Variants in C5orf58 observed in about 807,000 individuals in gnomAD.
C5orf58 encodes the protein chromosome 5 open reading frame 58, also known as putative uncharacterized protein C5orf58.
A neutral mutation model predicts 2.9 loss-of-function variants in C5orf58; 2 were observed. The observed-to-expected ratio is 0.69, with a 90% CI of 0.28 to 2.18. The LOEUF (loss-of-function observed/expected upper bound fraction) is 2.18. Ranked by LOEUF, C5orf58 falls within the 30% of genes most tolerant of loss-of-function variation. The pLI is 0.13. For missense variants in C5orf58, 96 were observed against 91.7 expected (o/e 1.05, Z -0.19); for synonymous variants, 37 against 33.4 (o/e 1.11, Z -0.37).
chr5:170,234,467 A>C (rs1472116985), intron 2 of C5orf58, among the ~76,000 whole-genome samples: 2 of 152,222 alleles, frequency 1.3e-5, no homozygotes, highest in Non-Finnish European at 2.9e-5. Flanking sequence ...CTAACTCCCA[A>C]AACCAAACCA....
At chr5:170,249,377 T>TATATAG (rs1554139302), downstream of C5orf58, among the ~76,000 whole-genome samples, 6 of 127,586 alleles carry the variant, frequency 4.7e-5, no homozygotes, top group African/African-American at 1.3e-4. Flanking sequence ...TATATATATA[T>TATATAG]ATATCTACAT....
chr5:170,243,427 G>A (rs1228218843), intron 3 of C5orf58, among the ~76,000 whole-genome samples: 1 of 143,888 alleles, frequency 6.9e-6, no homozygotes, highest in East Asian at 2.0e-4. Flanking sequence ...CTCTTTGTAG[G>A]TCACTCAGGA....
intron 3 of C5orf58, among the ~76,000 whole-genome samples, chr5:170,236,525 A>C (rs1760746995): frequency 6.6e-6 from 1 of 152,342 alleles, no homozygotes; most frequent in South Asian, 2.1e-4. Flanking sequence ...TAAAATGCGA[A>C]TCTGCAGAAA....
Position 170,242,890 on chromosome 5 carries a change from T to A in C5orf58, c.95-3072T>A, listed in dbSNP as rs1417808789. The stretch of plus-strand genomic sequence containing the variant: ...ATGTTAGGGTGTCAATTTTGGATCT[T>A]TCCTGCTTTCTCTTGTGGGCATTTA... On this transcript the variant is annotated intron_variant, in intron 3 of 3. Transcript: ENST00000593851. 2.7e-5 allele frequency among the ~76,000 whole-genome samples: 4 copies of A among 147,550 alleles called. No homozygotes were observed. In the South Asian group the frequency reaches 8.9e-4, roughly 33 times the overall value.
chr5:170,247,610 AT>A (rs1761327457), downstream of C5orf58: 1 of 152,182 alleles, frequency 6.6e-6, no homozygotes, highest in South Asian at 2.1e-4. Context: ...GAATGCCTAT[AT>A]TTTTTGTTAA....
At chr5:170,246,576 T>A (rs7708125), downstream of C5orf58, 67,400 of 154,882 alleles carry the variant, frequency 0.44, 15,496 homozygotes, top group South Asian at 0.52. Flanking sequence ...TGTCTTCTAT[T>A]GTAGACTGGT....
At chr5:170,244,212 T>C (rs1215768639) in intron 3 of C5orf58, among the ~76,000 whole-genome samples, 5 of 142,284 alleles carry the variant, frequency 3.5e-5, no homozygotes, top group South Asian at 2.4e-4. Context: ...GCCCTTAACA[T>C]TTTTTCCTTC....
At chr5:170,239,771 A>G (rs561604632) in intron 3 of C5orf58, among the ~76,000 whole-genome samples, 55 of 152,066 alleles carry the variant, frequency 3.6e-4, no homozygotes, top group Middle Eastern at 3.4e-3. Context: ...AATAACATAA[A>G]TCTTATTTTT....
chr5:170,233,319 G>GA (rs1416517608), intron 1 of C5orf58: 2 of 152,446 alleles, frequency 1.3e-5, no homozygotes, highest in African/African-American at 4.8e-5. Flanking sequence ...TCCTGTCTGG[G>GA]AGGGCGAGGA....
intron 3 of C5orf58, among the ~76,000 whole-genome samples, chr5:170,239,957 G>A (rs1205168294): frequency 6.7e-6 from 1 of 150,074 alleles, no homozygotes; most frequent in Non-Finnish European, 1.5e-5. Flanking sequence ...CCCAGAGTGT[G>A]ATATTCCCCT....
intron 1 of C5orf58, chr5:170,233,803 AC>A (rs1455997871): frequency 6.6e-6 from 2 of 305,130 alleles, no homozygotes; most frequent in Non-Finnish European, 1.3e-5. Flanking sequence ...GTTGTGTAGC[AC>A]CCCACTGTGC....
intron 3 of C5orf58, among the ~76,000 whole-genome samples, chr5:170,238,564 G>A (rs115863321): frequency 0.017 from 2,545 of 152,250 alleles, 73 homozygotes; most frequent in African/African-American, 0.058. Context: ...AAACTTCCTA[G>A]AGTTGAAGGG....
intron 3 of C5orf58, 61 bp downstream of exon 3, chr5:170,235,131 G>C (rs1429367326): frequency 1.0e-5 from 9 of 889,104 alleles, no homozygotes; most frequent in Non-Finnish European, 1.4e-5. Flanking sequence ...GATAGAGCCA[G>C]TTTGTGTTTC....
chr5:170,247,071 A>T (rs1761315813), downstream of C5orf58: 1 of 152,216 alleles, frequency 6.6e-6, no homozygotes, highest in Non-Finnish European at 1.5e-5. Context: ...GTAAAGATAG[A>T]ATACGGCAAA....
chr5:170,235,676 A>G (rs940135486), intron 3 of C5orf58, among the ~76,000 whole-genome samples: 2 of 152,114 alleles, frequency 1.3e-5, no homozygotes, highest in African/African-American at 4.8e-5. Context: ...ATTCCTTCTC[A>G]CCAGCTAGCT....
downstream of C5orf58, chr5:170,250,911 T>A: frequency 6.2e-7 from 1 of 1,605,384 alleles, no homozygotes; most frequent in East Asian, 2.2e-5. Flanking sequence ...CCTGTTATTA[T>A]GGGAGCAGTA....
chr5:170,239,440 G>C (rs988193562), intron 3 of C5orf58, among the ~76,000 whole-genome samples: 2 of 148,564 alleles, frequency 1.3e-5, no homozygotes, highest in African/African-American at 4.9e-5. Flanking sequence ...AAGTTACAGA[G>C]GTAAACACCA....
intron 3 of C5orf58, among the ~76,000 whole-genome samples, chr5:170,241,175 G>A (rs907151103): frequency 7.2e-5 from 11 of 151,936 alleles, no homozygotes; most frequent in Admixed American, 2.6e-4. Context: ...TTTGGTTAGT[G>A]TAGCCTTGTA....
At chr5:170,249,362 G>GTATATATATATATA (rs72371153), downstream of C5orf58, among the ~76,000 whole-genome samples, 405 of 108,106 alleles carry the variant, frequency 3.7e-3, 2 homozygotes, top group African/African-American at 0.012. Context: ...GCATGCGTGT[G>GTATATATATATATA]TATATATATA....
Sources: allele counts gnomAD v4.1 joint callset (sites outside exome capture counted in the v4.1 genomes callset), GRCh38; gene constraint gnomAD v4.1.1; transcripts MANE v1.5; gene names NCBI Gene and HGNC (gene_info 2026-07-23, HGNC 2026-07-21).